The following VWF variants were observed in gnomAD, a reference collection of about 807,000 sequenced individuals.
VWF encodes the protein Factor VIII related antigen.
Under a neutral mutation model 308.6 loss-of-function variants are expected in VWF, and 176 were observed. That is an observed-to-expected ratio of 0.57 (90% CI 0.50 to 0.65). The LOEUF (loss-of-function observed/expected upper bound fraction) is 0.65, where lower values mean the gene tolerates loss of function less well. Among genes scored for constraint, VWF ranks in the 30% least tolerant of loss-of-function variants. The pLI is 0.00. For missense variants in VWF, 3,146 were observed against 3,648.2 expected, an observed-to-expected ratio of 0.86 and a Z score of 3.55; for synonymous variants, 1,385 against 1,443.4, an observed-to-expected ratio of 0.96 and a Z score of 0.92.
intron 10 of VWF, among the ~76,000 whole-genome samples, chr12:6,066,037 G>T (rs377060424): frequency 4.5e-4 from 69 of 152,338 alleles, no homozygotes; most frequent in African/African-American, 1.5e-3. Context: ...CAGCTTCCCA[G>T]CCCAGGCTGA....
chr12:6,036,334 C>T lies in VWF; in HGVS notation c.2546+54G>A, dbSNP rs1944335647. The T allele has an allele frequency of 2.6e-6, 4 of 1,556,858 alleles. No individual in the cohort carries two copies. The Admixed American group carries it at 6.7e-5, about 26-fold the overall frequency. On this transcript the variant is annotated intron_variant, in intron 19 of 51. Transcript: ENST00000261405. ...GGAAGGTCCTGTGGCCGCGTGCACC[C>T]TCACTCCACCCGCAGGGCCTGGGTC...
intron 6 of VWF, among the ~76,000 whole-genome samples, chr12:6,092,632 T>A (rs148892733): frequency 0.28 from 18,507 of 65,770 alleles, 1,726 homozygotes; most frequent in Middle Eastern, 0.37. Flanking sequence ...TGTGTGTGTG[T>A]GTGTGTGTGT....
At chr12:6,104,091 A>G (rs753153366) in intron 5 of VWF, among the ~76,000 whole-genome samples, 18 of 152,204 alleles carry the variant, frequency 1.2e-4, no homozygotes, top group Non-Finnish European at 2.4e-4. Context: ...ATAACAAATA[A>G]TATCAGCAAG....
intron 5 of VWF, among the ~76,000 whole-genome samples, chr12:6,101,479 G>T (rs1279428260): frequency 2.0e-5 from 3 of 152,046 alleles, no homozygotes; most frequent in Non-Finnish European, 4.4e-5. Context: ...AAAAAGGGAT[G>T]AAATAAAAAT....
chr12:6,047,078 A>G (rs1213059459), intron 16 of VWF, among the ~76,000 whole-genome samples: 1 of 152,110 alleles, frequency 6.6e-6, no homozygotes, highest in Non-Finnish European at 1.5e-5. Context: ...TAGAAAAAAA[A>G]TATTTCTCTC....
chr12:6,081,334 T>TTTTTG (rs1047176422), intron 6 of VWF, among the ~76,000 whole-genome samples: 22 of 151,200 alleles, frequency 1.5e-4, no homozygotes, highest in Admixed American at 1.1e-3. Context: ...CCAGTGGTGT[T>TTTTTG]TTTTGTTTTG....
Position 6,067,247 on chromosome 12 carries a change from T to C in VWF, c.1157-1974A>G, listed in dbSNP as rs1036124850. The stretch of plus-strand genomic sequence containing the variant: ...ACCATTTTTCAGAAATTATCATCAT[T>C]CTACAAACACAGTAATATGGTCATT... On this transcript the variant is annotated intron_variant, in intron 10 of 51. Transcript: ENST00000261405. Among the ~76,000 whole-genome samples the C allele has an allele frequency of 9.9e-5, 15 of 152,206 alleles. 1 individual carries two copies. Among genetic ancestry groups the C allele is most frequent in the Non-Finnish European group, 1.5e-5 (1 of 68,038 alleles).
Position 5,983,463 on chromosome 12 carries a change from T to TGATA in VWF, c.6977-213_6977-210dup, listed in dbSNP as rs10535241. Reference sequence around the variant, plus strand: ...GATAACTAGATACATGAGATAGATTTGATAGATAGATAGATACATACATAC... The same window carrying TGATA: ...GATAACTAGATACATGAGATAGATTTGATAGATAGATAGATAGATACATACATAC... On this transcript the variant is annotated intron_variant, in intron 40 of 51. Transcript: ENST00000261405. 6.3e-4 allele frequency among the ~76,000 whole-genome samples: 95 copies of TGATA among 149,630 alleles called. No individual in the cohort carries two copies. The East Asian group carries it at 8.4e-3, about 13-fold the overall frequency.
chr12:6,122,526 G>A (rs935907673), intron 2 of VWF, among the ~76,000 whole-genome samples: 1 of 152,224 alleles, frequency 6.6e-6, no homozygotes, highest in Non-Finnish European at 1.5e-5. Context: ...CAGAGAGTGT[G>A]ACAAATGTGT....
At chr12:5,964,030 A>AC (rs1348676421) in intron 47 of VWF, among the ~76,000 whole-genome samples, 11 of 151,986 alleles carry the variant, frequency 7.2e-5, no homozygotes, top group African/African-American at 2.7e-4. Flanking sequence ...ACACGGTGAA[A>AC]CCCCGTCTCT....
intron 6 of VWF, among the ~76,000 whole-genome samples, chr12:6,085,105 C>G (rs1300184491): frequency 1.3e-5 from 2 of 152,184 alleles, no homozygotes; most frequent in Non-Finnish European, 1.5e-5. Context: ...CTCACCTTCT[C>G]CTTGGGGCTC....
chr12:6,112,039 T>A (rs1945313373), intron 3 of VWF, among the ~76,000 whole-genome samples: 1 of 152,154 alleles, frequency 6.6e-6, no homozygotes, highest in Non-Finnish European at 1.5e-5. Flanking sequence ...GGGCTGTTTG[T>A]TTAAAATGGA....
chr12:6,038,489 C>G (rs934854727), intron 18 of VWF, among the ~76,000 whole-genome samples: 1 of 152,222 alleles, frequency 6.6e-6, no homozygotes, highest in African/African-American at 2.4e-5. Flanking sequence ...CATGTTTTTA[C>G]CTCTCGCCAT....
intron 3 of VWF, among the ~76,000 whole-genome samples, chr12:6,115,258 C>A (rs757793156): frequency 3.3e-5 from 5 of 152,128 alleles, no homozygotes; most frequent in Non-Finnish European, 5.9e-5. Flanking sequence ...AGGCTGGCAT[C>A]GAACTCCTGG....
chr12:6,107,789 G>A (rs2136518025), intron 5 of VWF, among the ~76,000 whole-genome samples: 1 of 152,168 alleles, frequency 6.6e-6, no homozygotes, highest in East Asian at 1.9e-4. Context: ...TTCCCGAGTA[G>A]CTGGGACTAC....
chr12:5,971,771 C>T (rs1179616347), intron 43 of VWF, 62 bp from the exon 44 acceptor site: 1 of 1,402,454 alleles, frequency 7.1e-7, no homozygotes, highest in Non-Finnish European at 1.0e-6. Context: ...GGGCTCTTAC[C>T]TACGCCTCCT....
At chr12:5,989,407 T>C (rs1326068556) in intron 38 of VWF, among the ~76,000 whole-genome samples, 1 of 152,230 alleles carries the variant, frequency 6.6e-6, no homozygotes, top group Admixed American at 6.5e-5. Context: ...CATTAGGTTT[T>C]TATTCTTTCT....
intron 18 of VWF, among the ~76,000 whole-genome samples, chr12:6,040,778 A>G (rs1034061781): frequency 3.3e-4 from 51 of 152,334 alleles, no homozygotes; most frequent in African/African-American, 1.2e-3. Flanking sequence ...TACAGCCTGC[A>G]GCTTGTGGGG....
chr12:6,018,476 G>C lies in VWF; in HGVS notation c.4942C>G (p.Pro1648Ala). 1.2e-6 allele frequency: 2 copies of C among 1,613,710 alleles called. No homozygotes were observed. Among genetic ancestry groups the C allele is most frequent in the South Asian group, 1.1e-5 (1 of 91,040 alleles). ...ELERIGWPNA[P>A]ILIQDFETLP... ...GTCTCAAAGTCCTGGATGAGGATAG[G>C]GGCATTGGGCCAGCCAATCCTCTCC... Residue 1648 changes from proline (P) to alanine (A), a missense_variant, in exon 28 of 52, where the codon CCT (proline) becomes GCT (alanine). Pro to Ala is a conservative substitution (Grantham distance 27). This residue lies in a region of VWF where 853 missense variants were observed against 1,177.8 expected (regional missense o/e 0.72). Coordinates refer to ENST00000261405, the MANE Select transcript of VWF (RefSeq NM_000552.5).
Sources: gnomAD v4.1 joint callset for allele counts (sites outside exome capture counted in the v4.1 genomes callset) on GRCh38, gnomAD v4.1.1 for gene constraint, gnomAD v4.1.1 regional missense constraint, MANE v1.5 for transcripts, NCBI Gene and HGNC (gene_info 2026-07-23, HGNC 2026-07-21) for gene names.